Variants in P3H2 observed in about 807,000 individuals in gnomAD.
The protein encoded by P3H2 is prolyl 3-hydroxylase 2.
Under a neutral mutation model 87.0 loss-of-function variants are expected in P3H2, and 80 were observed. The observed-to-expected ratio is 0.92, with a 90% CI of 0.77 to 1.11. The LOEUF is 1.11. Ranked by LOEUF, P3H2 falls within the 50% of genes least tolerant of loss-of-function variation. The pLI, the probability that P3H2 is intolerant of heterozygous loss-of-function variation, is 0.00. For missense variants in P3H2, 1,001 were observed against 923.9 expected (o/e 1.08, Z -1.08); for synonymous variants, 367 against 359.3 (o/e 1.02, Z -0.24).
chr3:190,004,754 CA>C (rs750858750), intron 1 of P3H2, among the ~76,000 whole-genome samples: 3 of 152,038 alleles, frequency 2.0e-5, no homozygotes, highest in Non-Finnish European at 2.9e-5. Context: ...CTTTAGGATA[CA>C]AAAACAAATT....
At chr3:190,059,863 C>T (rs1726281378) in intron 1 of P3H2, among the ~76,000 whole-genome samples, 1 of 152,084 alleles carries the variant, frequency 6.6e-6, no homozygotes, top group Admixed American at 6.6e-5. Context: ...ATGAAGATTC[C>T]TTCTCGTCAT....
intron 1 of P3H2, among the ~76,000 whole-genome samples, chr3:190,066,739 G>A (rs1032654329): frequency 1.3e-5 from 2 of 152,072 alleles, no homozygotes; most frequent in African/African-American, 4.8e-5. Flanking sequence ...ACTATCTATA[G>A]TCCAAATTTC....
Position 190,007,965 on chromosome 3 carries a change from C to CACACACACACACATATATATAT in P3H2, c.481-12524_481-12523insATATATATATGTGTGTGTGTGT. ...GCCTGAGACTCTATTTGTTGACACA[C>CACACACACACACATATATATAT]ATATATATATATATATATATAGTAA... On this transcript the variant is annotated intron_variant, in intron 1 of 14. Transcript: ENST00000319332. Among the ~76,000 whole-genome samples the CACACACACACACATATATATAT allele has an allele frequency of 4.7e-4, 44 of 94,352 alleles. 1 individual carries two copies. The highest frequency in any genetic ancestry group is 1.6e-3 in the African/African-American group (40 of 25,630). 61.9% of individuals were successfully genotyped at this position (94,352 alleles called of 152,430 possible). A position where few individuals can be genotyped will look rare whatever the true frequency, so the allele number is the denominator to read the frequency against.
chr3:190,078,542 T>C (rs1033785779), intron 1 of P3H2, among the ~76,000 whole-genome samples: 2 of 152,114 alleles, frequency 1.3e-5, no homozygotes, highest in Admixed American at 6.5e-5. Context: ...TTAGAGGGAA[T>C]TGTGTATGAG....
At chr3:190,068,931 T>C (rs1726605502) in intron 1 of P3H2, among the ~76,000 whole-genome samples, 1 of 152,164 alleles carries the variant, frequency 6.6e-6, no homozygotes, top group Admixed American at 6.6e-5. Flanking sequence ...ACATTTAATA[T>C]CCTATTACAA....
intron 1 of P3H2, among the ~76,000 whole-genome samples, chr3:190,090,001 T>C (rs938119976): frequency 1.3e-5 from 2 of 152,108 alleles, no homozygotes; most frequent in African/African-American, 2.4e-5. Context: ...AAAGAACTTG[T>C]GGTTTGGTGT....
Position 190,069,954 on chromosome 3 carries a change from T to G in P3H2, c.480+50298A>C, listed in dbSNP as rs531118276. On this transcript the variant is annotated intron_variant, in intron 1 of 14. Transcript: ENST00000319332. ...AAAGCCAGCAAGTGTAGACAAGTTT[T>G]TTTTTTTTTTCTTCTTCTTCTTTTT... Among the ~76,000 whole-genome samples the G allele has an allele frequency of 1.4e-4, 22 of 151,946 alleles. No homozygotes were observed. The South Asian group carries it at 2.3e-3, about 16-fold the overall frequency.
rs1181500647 is a variant in P3H2, at chr3:190,120,604, G to A, written c.128C>T (p.Pro43Leu). The A allele has an allele frequency of 1.9e-6, 3 of 1,545,598 alleles. No homozygotes were observed. Among genetic ancestry groups the A allele is most frequent in the African/African-American group, 2.8e-5 (2 of 71,256 alleles). Reference protein sequence around the residue: ...ELELEPGPLQPFDLLYASGAA... With the variant: ...ELELEPGPLQLFDLLYASGAA... ...GCCGCTGGCGTAGAGCAGGTCGAAG[G>A]GCTGCAGAGGCCCGGGCTCCAGCTC... The change falls in exon 1 of 15, where the codon CCC (proline) becomes CTC (leucine). Residue 43 changes from proline to leucine, a missense_variant. By Grantham distance (98) the Pro-to-Leu change is moderately conservative. Coordinates refer to ENST00000319332, the MANE Select transcript of P3H2 (RefSeq NM_018192.4).
chr3:189,984,484 A>G (rs1723631196), intron 7 of P3H2, 66 bp downstream of exon 7: 3 of 1,132,822 alleles, frequency 2.6e-6, no homozygotes, highest in Admixed American at 3.4e-5. Flanking sequence ...ACATTTCTCT[A>G]TGATAGGTTA....
intron 1 of P3H2, among the ~76,000 whole-genome samples, chr3:190,027,280 T>C (rs1293216836): frequency 6.6e-6 from 1 of 152,214 alleles, no homozygotes; most frequent in Non-Finnish European, 1.5e-5. Flanking sequence ...CAGATAATAC[T>C]ATACCATGAA....
At chr3:190,035,816 T>C (rs1343216445) in intron 1 of P3H2, among the ~76,000 whole-genome samples, 1 of 152,264 alleles carries the variant, frequency 6.6e-6, no homozygotes, top group South Asian at 2.1e-4. Flanking sequence ...CCAGATCTTA[T>C]ACCGGAATGT....
intron 8 of P3H2, among the ~76,000 whole-genome samples, chr3:189,980,201 T>A (rs967937508): frequency 2.0e-5 from 3 of 152,114 alleles, no homozygotes; most frequent in Non-Finnish European, 4.4e-5. Context: ...TTGGGGAAGA[T>A]GAGAAAAGCT....
intron 8 of P3H2, among the ~76,000 whole-genome samples, chr3:189,979,346 T>C (rs1723453169): frequency 1.3e-5 from 2 of 151,874 alleles, no homozygotes; most frequent in Admixed American, 6.6e-5. Flanking sequence ...GAGAATCACT[T>C]GAACCCAGGA....
In P3H2 at chr3:190,092,656, CT is replaced by C. The variant is rs1727445210; in HGVS notation, c.480+27595del. Among the ~76,000 whole-genome samples the C allele has an allele frequency of 6.6e-5, 10 of 152,304 alleles. No individual in the cohort carries two copies. The South Asian group carries it at 2.1e-3, about 32-fold the overall frequency. On this transcript the variant is annotated intron_variant, in intron 1 of 14. Transcript: ENST00000319332. ...CTTTCGGGAAGCTGGGATCTGAACTCTTTTCAGTCTTACTGGTATGTGCCCT... is the reference window on the plus strand; with the variant it reads ...CTTTCGGGAAGCTGGGATCTGAACTCTTTCAGTCTTACTGGTATGTGCCCT...
intron 1 of P3H2, among the ~76,000 whole-genome samples, chr3:190,044,998 AG>A (rs1232869530): frequency 1.3e-5 from 2 of 152,220 alleles, no homozygotes; most frequent in African/African-American, 4.8e-5. Context: ...TAGCTAAGGT[AG>A]CCAGAAAGGC....
intron 1 of P3H2, among the ~76,000 whole-genome samples, chr3:190,030,045 A>G (rs1725206369): frequency 1.3e-5 from 2 of 152,064 alleles, no homozygotes; most frequent in Admixed American, 1.3e-4. Context: ...AATGTGCTGA[A>G]CTATCAGGCT....
chr3:189,987,898 G>C (rs1577256474), intron 4 of P3H2: 2 of 544,894 alleles, frequency 3.7e-6, no homozygotes, highest in East Asian at 6.4e-5. Context: ...GTTGTTTTGT[G>C]CAAATCGTCA....
At chr3:189,965,451 A>T (rs1467483990) in intron 13 of P3H2, among the ~76,000 whole-genome samples, 1 of 152,128 alleles carries the variant, frequency 6.6e-6, no homozygotes, top group Non-Finnish European at 1.5e-5. Flanking sequence ...AGCAGAAAAA[A>T]AGCAGTCAGT....
At chr3:189,977,343 GA>G (rs1409951404) in intron 8 of P3H2, among the ~76,000 whole-genome samples, 2 of 152,146 alleles carry the variant, frequency 1.3e-5, no homozygotes, top group African/African-American at 4.8e-5. Flanking sequence ...TACTGGAGAG[GA>G]TCACATGGCA....
Sources: allele counts gnomAD v4.1 joint callset (sites outside exome capture counted in the v4.1 genomes callset), GRCh38; gene constraint gnomAD v4.1.1; transcripts MANE v1.5; gene names NCBI Gene and HGNC (gene_info 2026-07-23, HGNC 2026-07-21).